Variants in CCDC85A observed in about 807,000 individuals in gnomAD.
The protein encoded by CCDC85A is coiled-coil domain-containing protein 85A.
A neutral mutation model predicts 50.2 loss-of-function variants in CCDC85A; 38 were observed. That is an observed-to-expected ratio of 0.76 (90% CI 0.58 to 0.99). The LOEUF (loss-of-function observed/expected upper bound fraction) is 0.99, where lower values mean the gene tolerates loss of function less well. Ranked by LOEUF, CCDC85A falls within the 50% of genes least tolerant of loss-of-function variation. The pLI is 0.00. For synonymous variants in CCDC85A, 366 were observed against 301.4 expected, an observed-to-expected ratio of 1.21 and a Z score of -2.22; for missense variants, 820 against 742.0, an observed-to-expected ratio of 1.11 and a Z score of -1.22.
At chr2:56,323,937 C>T (rs891850154) in intron 2 of CCDC85A, among the ~76,000 whole-genome samples, 4 of 152,024 alleles carry the variant, frequency 2.6e-5, no homozygotes, top group African/African-American at 9.7e-5. Context: ...AGTTTCATCT[C>T]TTTATAGATC....
At chr2:56,285,257 A>G (rs1208157078) in intron 2 of CCDC85A, among the ~76,000 whole-genome samples, 3 of 151,210 alleles carry the variant, frequency 2.0e-5, no homozygotes, top group Non-Finnish European at 4.4e-5. Context: ...GCATGCCACC[A>G]TGCCCAGCTA....
At chr2:56,303,143 G>A (rs578088457) in intron 2 of CCDC85A, among the ~76,000 whole-genome samples, 4 of 152,284 alleles carry the variant, frequency 2.6e-5, no homozygotes, top group South Asian at 2.1e-4. Flanking sequence ...CCATCTCGCT[G>A]CATTGCAATT....
chr2:56,355,147 T>C (rs112497429), intron 3 of CCDC85A, among the ~76,000 whole-genome samples: 6,946 of 152,032 alleles, frequency 0.046, 519 homozygotes, highest in African/African-American at 0.16. Flanking sequence ...GTCTGGCCAT[T>C]CCCCACGGCT....
At chr2:56,354,023 G>A (rs745399974) in intron 3 of CCDC85A, among the ~76,000 whole-genome samples, 3 of 151,998 alleles carry the variant, frequency 2.0e-5, no homozygotes, top group Non-Finnish European at 4.4e-5. Context: ...TATCACACTT[G>A]AACATATTTT....
Position 56,275,933 on chromosome 2 carries a change from A to T in CCDC85A, c.1241-66946A>T, listed in dbSNP as rs117250123. Among the ~76,000 whole-genome samples the T allele has an allele frequency of 7.8e-4, 118 of 152,198 alleles. 2 individuals carry two copies. The East Asian group carries it at 0.02, about 26-fold the overall frequency. ...TATTTTTGTAGGTCCCTTTTTGCTA[A>T]TTAGGAGAAAAGACTGAGTCAGAGC... On this transcript the variant is annotated intron_variant, in intron 2 of 5. Transcript: ENST00000407595.
At chr2:56,226,960 CA>C (rs1668568636) in intron 2 of CCDC85A, among the ~76,000 whole-genome samples, 1 of 152,082 alleles carries the variant, frequency 6.6e-6, no homozygotes. Flanking sequence ...TTTCAATAGG[CA>C]AATTTTAGCA....
intron 2 of CCDC85A, among the ~76,000 whole-genome samples, chr2:56,277,203 C>T (rs1670991231): frequency 6.6e-6 from 1 of 152,056 alleles, no homozygotes; most frequent in African/African-American, 2.4e-5. Flanking sequence ...TCTACCTATG[C>T]CTTTTATGTC....
chr2:56,369,126 T>A (rs1675950038), intron 3 of CCDC85A, among the ~76,000 whole-genome samples: 1 of 152,112 alleles, frequency 6.6e-6, no homozygotes, highest in South Asian at 2.1e-4. Flanking sequence ...TTTCATTATT[T>A]CTATGAGGAA....
chr2:56,349,671 GA>G (rs1388190835), intron 3 of CCDC85A, among the ~76,000 whole-genome samples: 2 of 152,130 alleles, frequency 1.3e-5, no homozygotes. Context: ...AAAGGGAAAT[GA>G]AAGTAAAATA....
chr2:56,327,250 G>A (rs541781689), intron 2 of CCDC85A, among the ~76,000 whole-genome samples: 1 of 152,284 alleles, frequency 6.6e-6, no homozygotes, highest in Non-Finnish European at 1.5e-5. Context: ...CCCAGGAATT[G>A]TGGGTGTTAA....
intron 2 of CCDC85A, among the ~76,000 whole-genome samples, chr2:56,211,197 G>A (rs967600836): frequency 3.3e-5 from 5 of 152,002 alleles, no homozygotes; most frequent in African/African-American, 1.2e-4. Context: ...GTTCCCTTTG[G>A]GGAAAAGAGT....
chr2:56,280,184 T>C lies in CCDC85A; in HGVS notation c.1241-62695T>C, dbSNP rs114113710. ...GAGTTTCATAGAATTTGATGGTTCA[T>C]GCACTTGTGCTGGCCTAGCATCTAG... On this transcript the variant is annotated intron_variant, in intron 2 of 5. Transcript: ENST00000407595. Among the ~76,000 whole-genome samples, 1,134 of 152,332 alleles carry C rather than the reference T, an allele frequency of 7.4e-3. 13 individuals carry two copies. Among genetic ancestry groups the C allele is most frequent in the African/African-American group, 0.026 (1,068 of 41,576 alleles).
intron 2 of CCDC85A, 78 bp downstream of exon 2, chr2:56,193,518 C>A: frequency 1.4e-6 from 2 of 1,449,792 alleles, no homozygotes; most frequent in Non-Finnish European, 1.8e-6. Flanking sequence ...GACTTTCCAG[C>A]CATGTAAGAA....
chr2:56,316,861 AT>A (rs761190196), intron 2 of CCDC85A, among the ~76,000 whole-genome samples: 5 of 152,164 alleles, frequency 3.3e-5, no homozygotes, highest in Non-Finnish European at 5.9e-5. Context: ...CATCATTGAC[AT>A]TTATTAAATT....
intron 2 of CCDC85A, among the ~76,000 whole-genome samples, chr2:56,313,726 A>C (rs1245317668): frequency 6.6e-6 from 1 of 152,080 alleles, no homozygotes; most frequent in Non-Finnish European, 1.5e-5. Context: ...CTGTGGCAGA[A>C]GGTTGTCCTA....
At chr2:56,238,643 T>TAATTG (rs1455442387) in intron 2 of CCDC85A, among the ~76,000 whole-genome samples, 1 of 152,164 alleles carries the variant, frequency 6.6e-6, no homozygotes, top group Non-Finnish European at 1.5e-5. Context: ...GATGCTAGGT[T>TAATTG]AATTGGAGTG....
chr2:56,281,148 T>C (rs1016323314), intron 2 of CCDC85A, among the ~76,000 whole-genome samples: 2 of 152,170 alleles, frequency 1.3e-5, no homozygotes, highest in African/African-American at 4.8e-5. Context: ...TCACATACAT[T>C]AGTTTTACCT....
chr2:56,208,012 G>A (rs558055852), intron 2 of CCDC85A, among the ~76,000 whole-genome samples: 1 of 152,096 alleles, frequency 6.6e-6, no homozygotes, highest in Non-Finnish European at 1.5e-5. Context: ...TTCAAAAACG[G>A]TGAGTTCAAG....
intron 2 of CCDC85A, among the ~76,000 whole-genome samples, chr2:56,234,834 T>C (rs762745971): frequency 6.6e-5 from 10 of 152,200 alleles, no homozygotes; most frequent in Non-Finnish European, 1.3e-4. Flanking sequence ...GGGAAGACAC[T>C]ATGTTTTAAT....
Sources: allele counts gnomAD v4.1 joint callset (sites outside exome capture counted in the v4.1 genomes callset), GRCh38; gene constraint gnomAD v4.1.1; transcripts MANE v1.5; gene names NCBI Gene and HGNC (gene_info 2026-07-23, HGNC 2026-07-21).